Variants in SHISA6 observed in about 807,000 individuals in gnomAD.
SHISA6 encodes shisa family member 6, also known as protein shisa-6.
In SHISA6, 22 loss-of-function variants were observed where a neutral mutation model predicts 47.9. The observed-to-expected ratio is 0.46, with a 90% CI of 0.33 to 0.66. The LOEUF (loss-of-function observed/expected upper bound fraction) is 0.66, where lower values mean the gene tolerates loss of function less well. Ranked by LOEUF, SHISA6 falls within the 30% of genes least tolerant of loss-of-function variation. The probability of loss-of-function intolerance (pLI) is 0.02; values close to 1 mark genes in which losing one functional copy is unlikely to be tolerated. For synonymous variants in SHISA6, 388 were observed against 337.8 expected, an observed-to-expected ratio of 1.15 and a Z score of -1.63; for missense variants, 680 against 764.6, an observed-to-expected ratio of 0.89 and a Z score of 1.30.
At chr17:11,279,178 C>T (rs920637900) in intron 2 of SHISA6, among the ~76,000 whole-genome samples, 10 of 152,120 alleles carry the variant, frequency 6.6e-5, no homozygotes, top group Non-Finnish European at 1.3e-4. Context: ...GCAGGTCTTC[C>T]TCGGGCCACA....
intron 2 of SHISA6, among the ~76,000 whole-genome samples, chr17:11,293,381 C>A (rs2142171110): frequency 6.6e-6 from 1 of 152,236 alleles, no homozygotes; most frequent in Non-Finnish European, 1.5e-5. Flanking sequence ...ACGACTACTA[C>A]ATGTTAAAAG....
intron 3 of SHISA6, among the ~76,000 whole-genome samples, chr17:11,514,658 T>C (rs1373059061): frequency 6.6e-6 from 1 of 152,206 alleles, no homozygotes; most frequent in African/African-American, 2.4e-5. Context: ...CAATGTCTTA[T>C]GTGGCTGAAG....
chr17:11,323,548 G>A (rs1385237269), intron 2 of SHISA6, among the ~76,000 whole-genome samples: 1 of 152,036 alleles, frequency 6.6e-6, no homozygotes, highest in African/African-American at 2.4e-5. Flanking sequence ...CAGCTACTCA[G>A]GAGGCTGAGG....
intron 3 of SHISA6, among the ~76,000 whole-genome samples, chr17:11,487,445 G>A (rs1916380814): frequency 1.3e-5 from 2 of 152,314 alleles, no homozygotes; most frequent in East Asian, 1.9e-4. Context: ...AGAGAATGTT[G>A]TGGGGTTTGG....
chr17:11,473,850 C>T (rs555654527), intron 3 of SHISA6, among the ~76,000 whole-genome samples: 3 of 152,064 alleles, frequency 2.0e-5, no homozygotes. Context: ...ATCAACCCAT[C>T]ATCTAGGTTT....
intron 2 of SHISA6, among the ~76,000 whole-genome samples, chr17:11,363,177 C>A (rs1348725204): frequency 6.6e-6 from 1 of 151,636 alleles, no homozygotes; most frequent in Non-Finnish European, 1.5e-5. Context: ...TCCATTCCTT[C>A]CTGGCCAGCT....
intron 3 of SHISA6, among the ~76,000 whole-genome samples, chr17:11,499,410 C>G (rs1354701197): frequency 6.6e-6 from 1 of 152,152 alleles, no homozygotes; most frequent in Non-Finnish European, 1.5e-5. Context: ...CACAAACACA[C>G]ACACAACCTC....
At chr17:11,366,648 G>C (rs1359868763) in intron 2 of SHISA6, among the ~76,000 whole-genome samples, 2 of 152,200 alleles carry the variant, frequency 1.3e-5, no homozygotes, top group Admixed American at 1.3e-4. Context: ...ACTCCTGGGA[G>C]GTGGCAGGAC....
intron 3 of SHISA6, among the ~76,000 whole-genome samples, chr17:11,402,499 A>G (rs576801965): frequency 1.3e-5 from 2 of 152,230 alleles, no homozygotes; most frequent in African/African-American, 2.4e-5. Context: ...TTCTCAGCCT[A>G]TCAGCCTTTG....
rs968053192 is a variant in SHISA6, at chr17:11,244,590, G to A, written c.638+2530G>A. The stretch of plus-strand genomic sequence containing the variant: ...GTTTGCCATTCTGGGGAGTATTTTT[G>A]TGTAGACTGTCTTGTTGGGCAATCA... On this transcript the variant is annotated intron_variant, in intron 1 of 5. Transcript: ENST00000441885. 2.6e-5 allele frequency among the ~76,000 whole-genome samples: 4 copies of A among 152,210 alleles called. No individual in the cohort carries two copies. The South Asian group carries it at 6.2e-4, about 24-fold the overall frequency.
chr17:11,334,421 A>G (rs890456210), intron 2 of SHISA6, among the ~76,000 whole-genome samples: 2 of 152,170 alleles, frequency 1.3e-5, no homozygotes, highest in Non-Finnish European at 2.9e-5. Flanking sequence ...CCTGAAAATC[A>G]CTGTCTGCAT....
At chr17:11,459,218 CAAAAAAAAA>C (rs200165239) in intron 3 of SHISA6, among the ~76,000 whole-genome samples, 1 of 90,770 alleles carries the variant, frequency 1.1e-5, no homozygotes, top group Non-Finnish European at 2.3e-5. Context: ...GACTCCATCT[CAAAAAAAAA>C]AAAAAAAAAG....
At position 11,483,068 on chromosome 17, in the gene SHISA6, G is replaced by A. The variant is rs148575396; in HGVS notation, c.896-68828G>A. ...TGTAATTCTAGCACTTTGGGAGGCCGAGGCAGACAGATCATCTGAGGTCAG... is the reference window on the plus strand; with the variant it reads ...TGTAATTCTAGCACTTTGGGAGGCCAAGGCAGACAGATCATCTGAGGTCAG... On this transcript the variant is annotated intron_variant, in intron 3 of 5. Coordinates refer to ENST00000441885, the MANE Select transcript of SHISA6 (RefSeq NM_207386.4). Among the ~76,000 whole-genome samples, 983 of 152,072 alleles carry A rather than the reference G, an allele frequency of 6.5e-3. 11 individuals are homozygous for A. The highest frequency in any genetic ancestry group is 0.022 in the African/African-American group (921 of 41,488).
At chr17:11,306,151 A>G (rs1910101424) in intron 2 of SHISA6, among the ~76,000 whole-genome samples, 1 of 152,140 alleles carries the variant, frequency 6.6e-6, no homozygotes, top group Non-Finnish European at 1.5e-5. Context: ...TATACCACTA[A>G]TTAGGTTGAT....
At chr17:11,549,106 A>G (rs3095680) in intron 3 of SHISA6, among the ~76,000 whole-genome samples, 71,666 of 152,000 alleles carry the variant, frequency 0.47, 17,023 homozygotes, top group East Asian at 0.61. Flanking sequence ...TTCATTTTAA[A>G]AACTACAGTC....
chr17:11,391,490 C>G (rs1913385639), intron 3 of SHISA6, among the ~76,000 whole-genome samples: 1 of 152,122 alleles, frequency 6.6e-6, no homozygotes, highest in African/African-American at 2.4e-5. Flanking sequence ...AAGCAGCACG[C>G]AAAAAGCAGA....
At position 11,520,708 on chromosome 17, in the gene SHISA6, A is replaced by C. The variant is rs369242143; in HGVS notation, c.896-31188A>C. ...TTTCCCTCTCTCGCTCCTCTAACCC[A>C]ATGTCCATTTGCATGGCTGGCCCCT... On this transcript the variant is annotated intron_variant, in intron 3 of 5. Coordinates refer to ENST00000441885, the MANE Select transcript of SHISA6 (RefSeq NM_207386.4). Among the ~76,000 whole-genome samples the C allele has an allele frequency of 3.9e-5, 6 of 152,160 alleles. No individual in the cohort carries two copies. The East Asian group carries it at 5.8e-4, about 15-fold the overall frequency.
chr17:11,521,491 G>A (rs1205856021), intron 3 of SHISA6, among the ~76,000 whole-genome samples: 1 of 152,118 alleles, frequency 6.6e-6, no homozygotes, highest in Non-Finnish European at 1.5e-5. Context: ...TACTAGTGAT[G>A]AAGAAACTGA....
intron 2 of SHISA6, among the ~76,000 whole-genome samples, chr17:11,362,770 G>A (rs534667915): frequency 1.3e-5 from 2 of 152,298 alleles, no homozygotes; most frequent in South Asian, 4.1e-4. Context: ...CATATCCAAA[G>A]TGGTGACCAT....
Sources: gnomAD v4.1 joint callset for allele counts (sites outside exome capture counted in the v4.1 genomes callset) on GRCh38, gnomAD v4.1.1 for gene constraint, MANE v1.5 for transcripts, NCBI Gene and HGNC (gene_info 2026-07-23, HGNC 2026-07-21) for gene names.